KCNK1: variants seen among roughly 807,000 people sequenced by gnomAD.
KCNK1 encodes potassium two pore domain channel subfamily K member 1.
In KCNK1, 10 loss-of-function variants were observed where a neutral mutation model predicts 22.2. The ratio of observed to expected loss-of-function variants is 0.45; its 90% CI spans 0.28 to 0.76. The LOEUF (loss-of-function observed/expected upper bound fraction) is 0.76, where lower values mean the gene tolerates loss of function less well. Among genes scored for constraint, KCNK1 ranks in the 30% least tolerant of loss-of-function variants. KCNK1 has a pLI of 0.14. For missense variants in KCNK1, 378 were observed against 421.0 expected, an observed-to-expected ratio of 0.90 and a Z score of 0.89; for synonymous variants, 200 against 186.4, an observed-to-expected ratio of 1.07 and a Z score of -0.60.
At chr1:233,644,822 G>T (rs898571278) in intron 1 of KCNK1, among the ~76,000 whole-genome samples, 1 of 152,154 alleles carries the variant, frequency 6.6e-6, no homozygotes, top group African/African-American at 2.4e-5. Flanking sequence ...ATCTTGTAGA[G>T]TTCTGTAACC....
chr1:233,649,973 A>C (rs755045692), intron 1 of KCNK1: 11 of 533,450 alleles, frequency 2.1e-5, no homozygotes, highest in Non-Finnish European at 3.5e-5. Context: ...ATTTGGTTAG[A>C]AGATTGTTGA....
chr1:233,642,452 CTTGA>C, intron 1 of KCNK1, among the ~76,000 whole-genome samples: 1 of 152,252 alleles, frequency 6.6e-6, no homozygotes, highest in South Asian at 2.1e-4. Context: ...CCCTGAGGGG[CTTGA>C]AGACAGGTCA....
intron 1 of KCNK1, among the ~76,000 whole-genome samples, chr1:233,649,586 C>G (rs1462395808): frequency 6.6e-6 from 1 of 152,132 alleles, no homozygotes; most frequent in Non-Finnish European, 1.5e-5. Flanking sequence ...AGTCCAAGAT[C>G]AAGGTACTAG....
chr1:233,637,722 A>G (rs1443012127), intron 1 of KCNK1, among the ~76,000 whole-genome samples: 1 of 152,126 alleles, frequency 6.6e-6, no homozygotes, highest in African/African-American at 2.4e-5. Context: ...GGTGCAATGT[A>G]GTGTTGGAAT....
chr1:233,623,640 G>A (rs1036916632), intron 1 of KCNK1, among the ~76,000 whole-genome samples: 14 of 152,230 alleles, frequency 9.2e-5, no homozygotes, highest in African/African-American at 2.4e-4. Context: ...CCAGGCTGGA[G>A]TGCAGTGGCG....
At chr1:233,619,035 G>A (rs1324760049) in intron 1 of KCNK1, among the ~76,000 whole-genome samples, 2 of 151,892 alleles carry the variant, frequency 1.3e-5, no homozygotes, top group Admixed American at 6.6e-5. Context: ...TTTATTTTTT[G>A]GAGATAGGGT....
chr1:233,642,782 C>G (rs1341146432), intron 1 of KCNK1, among the ~76,000 whole-genome samples: 1 of 148,982 alleles, frequency 6.7e-6, no homozygotes, highest in Non-Finnish European at 1.5e-5. Flanking sequence ...TTTTTTTTTT[C>G]TTTTGAGACA....
intron 1 of KCNK1, among the ~76,000 whole-genome samples, chr1:233,645,193 CAAA>C (rs113695541): frequency 6.3e-5 from 5 of 79,472 alleles, no homozygotes; most frequent in Admixed American, 1.4e-4. Context: ...GACTTTGTCT[CAAA>C]AAAAAAAAAA....
intron 1 of KCNK1, among the ~76,000 whole-genome samples, chr1:233,654,411 C>G (rs1431132317): frequency 1.3e-5 from 2 of 152,132 alleles, no homozygotes; most frequent in African/African-American, 2.4e-5. Flanking sequence ...TGCCTGTATT[C>G]TAGTGTTTTG....
chr1:233,636,337 T>C lies in KCNK1; in HGVS notation c.355+21811T>C, dbSNP rs189626259. 1.4e-4 allele frequency among the ~76,000 whole-genome samples: 22 copies of C among 152,302 alleles called. No individual in the cohort carries two copies. The East Asian group carries it at 2.9e-3, about 20-fold the overall frequency. ...GAGACCAGCTGGGAAGCTATTACTGTAATCCTCAGAGAGATCTCCGTGGCT... is the reference window on the plus strand; with the variant it reads ...GAGACCAGCTGGGAAGCTATTACTGCAATCCTCAGAGAGATCTCCGTGGCT... On this transcript the variant is annotated intron_variant, in intron 1 of 2. Coordinates refer to ENST00000366621, the MANE Select transcript of KCNK1 (RefSeq NM_002245.4).
intron 1 of KCNK1, among the ~76,000 whole-genome samples, chr1:233,647,336 G>A (rs913159204): frequency 6.6e-6 from 1 of 152,218 alleles, no homozygotes; most frequent in Non-Finnish European, 1.5e-5. Context: ...CAGTGGTGCT[G>A]TCAAACCTCA....
chr1:233,671,782 G>A lies in KCNK1; in HGVS notation c.*252G>A, dbSNP rs777739206. 277 of 509,916 alleles carry A rather than the reference G, an allele frequency of 5.4e-4. 1 individual carries two copies. Among genetic ancestry groups the A allele is most frequent in the Non-Finnish European group, 2.3e-4 (67 of 286,040 alleles). The allele number at this position is 509,916 out of a possible 1,614,324, so 31.6% of individuals were successfully genotyped here. A position where few individuals can be genotyped will look rare whatever the true frequency, so the allele number is the denominator to read the frequency against. ...AATTCATATGTGACAAAATTATCTCGACCTTACATAGGAGGAGAATACTTG... is the reference window on the plus strand; with the variant it reads ...AATTCATATGTGACAAAATTATCTCAACCTTACATAGGAGGAGAATACTTG... On this transcript the variant is annotated 3_prime_UTR_variant, in exon 3 of 3. Transcript: ENST00000366621.
rs1328482249 is a variant in KCNK1, at chr1:233,672,167, T to C, written c.*637T>C. The C allele has an allele frequency of 2.0e-5, 3 of 152,674 alleles. No individual in the cohort carries two copies. The highest frequency in any genetic ancestry group is 4.4e-5 in the Non-Finnish European group (3 of 68,076). 9.5% of individuals were successfully genotyped at this position (152,674 alleles called of 1,614,324 possible). A position where few individuals can be genotyped will look rare whatever the true frequency, so the allele number is the denominator to read the frequency against. On this transcript the variant is annotated 3_prime_UTR_variant, in exon 3 of 3. Transcript: ENST00000366621. Reference sequence around the variant, plus strand: ...TAGATATTTTGTTTCTTTTGATTTCTCTTTATACTAAAGAATCCAGAGTTG... The same window carrying C: ...TAGATATTTTGTTTCTTTTGATTTCCCTTTATACTAAAGAATCCAGAGTTG...
At chr1:233,647,553 G>A (rs778600459) in intron 1 of KCNK1, among the ~76,000 whole-genome samples, 2 of 152,150 alleles carry the variant, frequency 1.3e-5, no homozygotes, top group Non-Finnish European at 2.9e-5. Flanking sequence ...CTCATCGTCT[G>A]TTCAGTCCTC....
At chr1:233,631,311 T>C (rs1319463455) in intron 1 of KCNK1, 1 of 531,046 alleles carries the variant, frequency 1.9e-6, no homozygotes, top group Non-Finnish European at 3.9e-6. Flanking sequence ...GAACCCCTAA[T>C]GTGTGTTTAA....
intron 1 of KCNK1, chr1:233,660,521 A>G (rs1047934308): frequency 2.6e-5 from 4 of 152,202 alleles, no homozygotes; most frequent in Non-Finnish European, 4.4e-5. Context: ...AAGTTCATCT[A>G]TGTGGCTCCA....
chr1:233,620,467 A>G (rs1244757215), intron 1 of KCNK1, among the ~76,000 whole-genome samples: 1 of 152,202 alleles, frequency 6.6e-6, no homozygotes, highest in African/African-American at 2.4e-5. Context: ...ACAAATGTTT[A>G]TTTCAGATGC....
intron 1 of KCNK1, among the ~76,000 whole-genome samples, chr1:233,632,716 AG>A (rs1657828584): frequency 6.6e-6 from 1 of 152,054 alleles, no homozygotes; most frequent in African/African-American, 2.4e-5. Context: ...CTGGTCTTAG[AG>A]GTCCTGGCTT....
chr1:233,651,127 G>A (rs192760682), intron 1 of KCNK1, among the ~76,000 whole-genome samples: 35 of 152,290 alleles, frequency 2.3e-4, no homozygotes, highest in African/African-American at 4.3e-4. Context: ...TAAACGGTGC[G>A]TCTTCTTGTC....
Sources: gnomAD v4.1 joint callset for allele counts (sites outside exome capture counted in the v4.1 genomes callset) on GRCh38, gnomAD v4.1.1 for gene constraint, MANE v1.5 for transcripts, NCBI Gene and HGNC (gene_info 2026-07-23, HGNC 2026-07-21) for gene names.